MCC: variants seen among roughly 807,000 people sequenced by gnomAD.
MCC encodes colorectal mutant cancer protein.
In MCC, 90 loss-of-function variants were observed where a neutral mutation model predicts 116.2. That is an observed-to-expected ratio of 0.77 (90% CI 0.65 to 0.92). The LOEUF (loss-of-function observed/expected upper bound fraction) is 0.92. Ranked by LOEUF, MCC falls within the 40% of genes least tolerant of loss-of-function variation. MCC has a pLI of 0.00. For missense variants in MCC, 1,516 were observed against 1,312.2 expected, an observed-to-expected ratio of 1.16 and a Z score of -2.40; for synonymous variants, 578 against 510.5, an observed-to-expected ratio of 1.13 and a Z score of -1.78.
intron 3 of MCC, among the ~76,000 whole-genome samples, chr5:113,337,173 G>C (rs58833244): frequency 0.2 from 30,287 of 152,116 alleles, 3,328 homozygotes; most frequent in Non-Finnish European, 0.23. Context: ...CAGCAGCATA[G>C]GACATCTAGT....
chr5:113,212,109 A>G (rs1335293917), intron 3 of MCC, among the ~76,000 whole-genome samples: 3 of 152,210 alleles, frequency 2.0e-5, no homozygotes, highest in Non-Finnish European at 4.4e-5. Context: ...GCATTTAAAA[A>G]CTAATGGCTG....
At chr5:113,424,300 AAG>A (rs1303348450) in intron 1 of MCC, among the ~76,000 whole-genome samples, 2 of 152,218 alleles carry the variant, frequency 1.3e-5, no homozygotes, top group African/African-American at 4.8e-5. Flanking sequence ...AAATATAAAA[AAG>A]AACTCATAGG....
intron 3 of MCC, among the ~76,000 whole-genome samples, chr5:113,302,567 G>T (rs1406398783): frequency 6.6e-6 from 1 of 152,004 alleles, no homozygotes; most frequent in African/African-American, 2.4e-5. Context: ...ATGGTCTTGT[G>T]GTTACATTTA....
At chr5:113,348,886 A>G (rs1318109216) in intron 2 of MCC, among the ~76,000 whole-genome samples, 1 of 152,080 alleles carries the variant, frequency 6.6e-6, no homozygotes, top group East Asian at 1.9e-4. Context: ...TACAACTGAT[A>G]CTGCAGAAAT....
chr5:113,137,476 A>AATGTGGTATATTGTGTTTATTT (rs1758910153), intron 5 of MCC, among the ~76,000 whole-genome samples: 1 of 152,090 alleles, frequency 6.6e-6, no homozygotes, highest in Non-Finnish European at 1.5e-5. Context: ...TGATTCTGTT[A>AATGTGGTATATTGTGTTTATTT]ATGTGGTATA....
At chr5:113,113,172 G>A (rs1757197920) in intron 6 of MCC, among the ~76,000 whole-genome samples, 1 of 152,208 alleles carries the variant, frequency 6.6e-6, no homozygotes, top group African/African-American at 2.4e-5. Flanking sequence ...GTGGGAGAAA[G>A]ACCTACAGAT....
intron 1 of MCC, among the ~76,000 whole-genome samples, chr5:113,461,682 G>A (rs1277791719): frequency 2.2e-5 from 3 of 136,054 alleles, no homozygotes; most frequent in African/African-American, 5.6e-5. Flanking sequence ...TAAAAAAACT[G>A]TTTTAATTTT....
At chr5:113,081,664 A>T (rs1423441884) in intron 11 of MCC, among the ~76,000 whole-genome samples, 1 of 152,202 alleles carries the variant, frequency 6.6e-6, no homozygotes, top group African/African-American at 2.4e-5. Context: ...GGGCAGTGAT[A>T]CTGAAAAGAC....
chr5:113,127,155 C>G (rs973429186), intron 5 of MCC, among the ~76,000 whole-genome samples: 2 of 152,194 alleles, frequency 1.3e-5, no homozygotes, highest in Non-Finnish European at 2.9e-5. Flanking sequence ...GCCTCTGGCT[C>G]CATCCATCTT....
At chr5:113,085,008 T>C (rs1289098331) in intron 9 of MCC, among the ~76,000 whole-genome samples, 156 bp downstream of exon 9, 1 of 152,244 alleles carries the variant, frequency 6.6e-6, no homozygotes, top group Non-Finnish European at 1.5e-5. Context: ...TTATCTCTCC[T>C]TGCAGCTCCT....
chr5:113,087,162 A>G (rs1486499800), intron 8 of MCC, among the ~76,000 whole-genome samples: 2 of 152,238 alleles, frequency 1.3e-5, no homozygotes, highest in African/African-American at 2.4e-5. Flanking sequence ...TTCATATTAA[A>G]TGTCTAGGAT....
At chr5:113,277,059 C>A (rs189734001) in intron 3 of MCC, among the ~76,000 whole-genome samples, 1 of 151,884 alleles carries the variant, frequency 6.6e-6, no homozygotes, top group Non-Finnish European at 1.5e-5. Context: ...TAAAGACATA[C>A]CGGCCAGGCA....
intron 3 of MCC, among the ~76,000 whole-genome samples, chr5:113,286,367 T>C (rs943812102): frequency 1.3e-5 from 2 of 152,240 alleles, no homozygotes; most frequent in Non-Finnish European, 2.9e-5. Context: ...ATCTTTTCCC[T>C]AGTTGGCATT....
chr5:113,269,243 C>A (rs1765524845), intron 3 of MCC: 1 of 985,190 alleles, frequency 1.0e-6, no homozygotes, highest in Non-Finnish European at 1.2e-6. Context: ...CAGGTGGGGA[C>A]TGGGCCTTTT....
chr5:113,270,799 G>A (rs751503226), intron 3 of MCC, among the ~76,000 whole-genome samples: 2 of 151,554 alleles, frequency 1.3e-5, no homozygotes, highest in Non-Finnish European at 2.9e-5. Flanking sequence ...GTAATTCATA[G>A]ATCCGTGCTT....
intron 3 of MCC, among the ~76,000 whole-genome samples, chr5:113,291,777 C>T (rs1402531662): frequency 1.3e-5 from 2 of 152,146 alleles, no homozygotes; most frequent in African/African-American, 2.4e-5. Context: ...AGAAAAATGA[C>T]AGGGAATAGA....
At chr5:113,450,684 C>T (rs1771366659) in intron 1 of MCC, among the ~76,000 whole-genome samples, 1 of 152,150 alleles carries the variant, frequency 6.6e-6, no homozygotes, top group Admixed American at 6.5e-5. Context: ...TTTTCATAAG[C>T]ATTTTAAAAC....
intron 3 of MCC, among the ~76,000 whole-genome samples, chr5:113,299,640 C>T (rs767079633): frequency 1.4e-4 from 22 of 152,228 alleles, no homozygotes; most frequent in Admixed American, 2.0e-4. Flanking sequence ...ACAATTAGAG[C>T]TTGCCAGCGT....
chr5:113,126,723 C>G (rs759572606), intron 5 of MCC, among the ~76,000 whole-genome samples: 1 of 152,148 alleles, frequency 6.6e-6, no homozygotes, highest in Non-Finnish European at 1.5e-5. Flanking sequence ...AGATACTAGT[C>G]TATGTGTTAA....
Sources: allele counts gnomAD v4.1 joint callset (sites outside exome capture counted in the v4.1 genomes callset), GRCh38; gene constraint gnomAD v4.1.1; transcripts MANE v1.5; gene names NCBI Gene and HGNC (gene_info 2026-07-23, HGNC 2026-07-21).